The following NPAS3 variants were observed in gnomAD, a reference collection of about 807,000 sequenced individuals.
The protein encoded by NPAS3 is neuronal PAS domain-containing protein 3.
NPAS3 carries 14 observed loss-of-function variants against 73.1 expected under a neutral mutation model. The observed-to-expected ratio is 0.19, with a 90% CI of 0.13 to 0.30. The LOEUF is 0.30. NPAS3 is among the 10% of genes least tolerant of loss of function. NPAS3 has a pLI of 1.00. For synonymous variants in NPAS3, 620 were observed against 541.5 expected (o/e 1.14, Z -2.01); for missense variants, 1,096 against 1,250.0 (o/e 0.88, Z 1.86).
At chr14:33,224,205 C>A (rs905667178) in intron 3 of NPAS3, among the ~76,000 whole-genome samples, 9 of 152,164 alleles carry the variant, frequency 5.9e-5, no homozygotes, top group African/African-American at 1.4e-4. Context: ...AATTCTTTAA[C>A]GTGTTTTTGT....
chr14:33,116,846 C>T (rs925601132), intron 2 of NPAS3, among the ~76,000 whole-genome samples: 1 of 152,000 alleles, frequency 6.6e-6, no homozygotes, highest in African/African-American at 2.4e-5. Flanking sequence ...CACATGGTCA[C>T]ATTCAGTTTC....
intron 1 of NPAS3, among the ~76,000 whole-genome samples, chr14:32,943,432 T>C (rs1048517659): frequency 6.6e-6 from 1 of 152,110 alleles, no homozygotes; most frequent in Non-Finnish European, 1.5e-5. Context: ...TACTATAATA[T>C]AGCTATTTTA....
intron 2 of NPAS3, among the ~76,000 whole-genome samples, chr14:33,095,970 C>A (rs2042407024): frequency 6.6e-6 from 1 of 151,318 alleles, no homozygotes; most frequent in Admixed American, 6.6e-5. Context: ...CGTGAGCCAC[C>A]GCGCCTGGCC....
chr14:33,226,859 G>GT (rs1164385141), intron 3 of NPAS3, among the ~76,000 whole-genome samples: 1 of 152,178 alleles, frequency 6.6e-6, no homozygotes, highest in East Asian at 1.9e-4. Flanking sequence ...AAATAAGACT[G>GT]TTGAATATCA....
At chr14:33,728,666 C>T (rs943823895) in intron 6 of NPAS3, among the ~76,000 whole-genome samples, 1 of 152,158 alleles carries the variant, frequency 6.6e-6, no homozygotes, top group African/African-American at 2.4e-5. Context: ...AAGCCGTTAC[C>T]CGCTTCAGAA....
intron 8 of NPAS3, among the ~76,000 whole-genome samples, chr14:33,775,304 G>A (rs2062778100): frequency 6.6e-6 from 1 of 152,294 alleles, no homozygotes; most frequent in Admixed American, 6.5e-5. Flanking sequence ...GGTGTGGGAA[G>A]GAAGCTCTGG....
chr14:33,246,411 C>T (rs1233069244), intron 3 of NPAS3, among the ~76,000 whole-genome samples: 2 of 150,884 alleles, frequency 1.3e-5, no homozygotes, highest in Non-Finnish European at 3.0e-5. Context: ...TGGTGGCGGG[C>T]ACGTGTAGTC....
At chr14:33,525,984 GA>G (rs923665675) in intron 4 of NPAS3, among the ~76,000 whole-genome samples, 27 of 152,126 alleles carry the variant, frequency 1.8e-4, no homozygotes, top group African/African-American at 6.3e-4. Flanking sequence ...TAAGTTAGGG[GA>G]AAAAATAAAA....
intron 4 of NPAS3, among the ~76,000 whole-genome samples, chr14:33,375,889 A>T (rs756363878): frequency 6.6e-6 from 1 of 152,184 alleles, no homozygotes; most frequent in Non-Finnish European, 1.5e-5. Context: ...AGAGTAGTCA[A>T]TTGGGTCTAC....
At chr14:33,072,691 A>G (rs1342465003) in intron 2 of NPAS3, among the ~76,000 whole-genome samples, 1 of 152,206 alleles carries the variant, frequency 6.6e-6, no homozygotes, top group Non-Finnish European at 1.5e-5. Flanking sequence ...GCGAAATAGC[A>G]GGGGATGCTG....
At chr14:33,799,627 C>A in intron 11 of NPAS3, 107 bp from the exon 12 acceptor site, 1 of 1,163,476 alleles carries the variant, frequency 8.6e-7, no homozygotes, top group Non-Finnish European at 1.2e-6. Context: ...TTGCCCTGCT[C>A]CCCGCCCCAG....
chr14:33,344,844 T>C (rs902884805), intron 3 of NPAS3, among the ~76,000 whole-genome samples: 6 of 152,186 alleles, frequency 3.9e-5, no homozygotes, highest in African/African-American at 1.4e-4. Context: ...GTTAATGCCA[T>C]GATGCAAAGC....
intron 2 of NPAS3, among the ~76,000 whole-genome samples, chr14:33,185,809 A>T (rs1249960887): frequency 2.6e-5 from 4 of 152,164 alleles, no homozygotes; most frequent in Non-Finnish European, 5.9e-5. Context: ...GGAACCTGTG[A>T]GTCAAGGTTA....
At chr14:33,698,773 T>C (rs971976147) in intron 6 of NPAS3, among the ~76,000 whole-genome samples, 8 of 152,186 alleles carry the variant, frequency 5.3e-5, no homozygotes, top group Non-Finnish European at 8.8e-5. Flanking sequence ...GAATCTCCAT[T>C]GTAATTTTCA....
At chr14:33,776,136 T>G (rs2062807751) in intron 8 of NPAS3, among the ~76,000 whole-genome samples, 1 of 152,188 alleles carries the variant, frequency 6.6e-6, no homozygotes, top group African/African-American at 2.4e-5. Flanking sequence ...GGGGGACTTT[T>G]CATACATATG....
intron 2 of NPAS3, among the ~76,000 whole-genome samples, chr14:33,128,852 A>G (rs572517358): frequency 3.9e-5 from 6 of 152,182 alleles, no homozygotes; most frequent in Non-Finnish European, 8.8e-5. Context: ...TGATACTTAC[A>G]TCTTAGACAA....
rs765844197 is a variant in NPAS3, at chr14:33,794,056, A to T, written c.1301+12A>T. Reference sequence around the variant, plus strand: ...AATTACCTTCTTAGGTATATTTTCTACTTCTTTTCTATTTCTGTCCTGGTT... The same window carrying T: ...AATTACCTTCTTAGGTATATTTTCTTCTTCTTTTCTATTTCTGTCCTGGTT... On this transcript the variant is annotated intron_variant, in intron 10 of 11. Coordinates refer to ENST00000356141, the Ensembl canonical transcript of NPAS3. 5 of 1,607,034 alleles carry T rather than the reference A, an allele frequency of 3.1e-6. No homozygotes were observed. The highest frequency in any genetic ancestry group is 4.3e-6 in the Non-Finnish European group (5 of 1,176,122).
chr14:32,954,998 A>G (rs541458005), intron 1 of NPAS3, among the ~76,000 whole-genome samples: 1 of 152,260 alleles, frequency 6.6e-6, no homozygotes, highest in South Asian at 2.1e-4. Context: ...CATTTTGTAA[A>G]TTATGGTGGC....
intron 3 of NPAS3, among the ~76,000 whole-genome samples, chr14:33,270,310 A>G (rs2041012529): frequency 1.3e-5 from 2 of 152,258 alleles, no homozygotes; most frequent in African/African-American, 2.4e-5. Flanking sequence ...TGACCCTATA[A>G]AAGGAAGGGG....
Sources: allele counts gnomAD v4.1 joint callset (sites outside exome capture counted in the v4.1 genomes callset), GRCh38; gene constraint gnomAD v4.1.1; transcripts MANE v1.5; gene names NCBI Gene and HGNC (gene_info 2026-07-23, HGNC 2026-07-21).